SHTN1: variants seen among roughly 807,000 people sequenced by gnomAD.
SHTN1 encodes the protein shootin-1.
Under a neutral mutation model 83.1 loss-of-function variants are expected in SHTN1, and 42 were observed. That is an observed-to-expected ratio of 0.51 (90% CI 0.39 to 0.65). The LOEUF (loss-of-function observed/expected upper bound fraction) is 0.65. Ranked by LOEUF, SHTN1 falls within the 30% of genes least tolerant of loss-of-function variation. SHTN1 has a pLI of 0.00. For synonymous variants in SHTN1, 224 were observed against 247.7 expected, an observed-to-expected ratio of 0.90 and a Z score of 0.90; for missense variants, 622 against 737.8, an observed-to-expected ratio of 0.84 and a Z score of 1.82.
intron 2 of SHTN1, among the ~76,000 whole-genome samples, chr10:117,023,102 T>G (rs1331964174): frequency 1.3e-5 from 2 of 152,238 alleles, no homozygotes; most frequent in Admixed American, 6.5e-5. Flanking sequence ...ATATATAATT[T>G]CACACATATG....
intron 14 of SHTN1, among the ~76,000 whole-genome samples, chr10:116,907,276 A>C (rs2133338042): frequency 6.6e-6 from 1 of 152,320 alleles, no homozygotes; most frequent in East Asian, 1.9e-4. Flanking sequence ...GGGCCGACCC[A>C]AAGAAGGGCT....
At chr10:117,055,177 T>C (rs964592840) in intron 1 of SHTN1, among the ~76,000 whole-genome samples, 1 of 152,110 alleles carries the variant, frequency 6.6e-6, no homozygotes, top group African/African-American at 2.4e-5. Flanking sequence ...GAGAACAGCA[T>C]GAAGGAAACC....
At chr10:117,035,947 C>CAAAAAAA (rs35033048) in intron 2 of SHTN1, among the ~76,000 whole-genome samples, 1 of 72,192 alleles carries the variant, frequency 1.4e-5, no homozygotes, top group Non-Finnish European at 2.4e-5. Context: ...AACTCCATCT[C>CAAAAAAA]AAAAAAAAAA....
At chr10:117,019,496 A>T (rs570374962) in intron 2 of SHTN1, among the ~76,000 whole-genome samples, 12 of 151,594 alleles carry the variant, frequency 7.9e-5, no homozygotes, top group East Asian at 3.9e-4. Context: ...AAAAACATTT[A>T]AAAAAAAATA....
intron 2 of SHTN1, among the ~76,000 whole-genome samples, chr10:117,033,005 A>C (rs904728537): frequency 1.3e-5 from 2 of 152,228 alleles, no homozygotes; most frequent in East Asian, 3.8e-4. Flanking sequence ...CAATGGAAAC[A>C]GAACATACAA....
At chr10:117,099,388 A>C (rs1564959048) in intron 1 of SHTN1, among the ~76,000 whole-genome samples, 1 of 152,136 alleles carries the variant, frequency 6.6e-6, no homozygotes, top group Admixed American at 6.5e-5. Context: ...TGGAATAAAA[A>C]AATTTTAAGT....
At chr10:117,081,385 C>A (rs1387443363) in intron 1 of SHTN1, among the ~76,000 whole-genome samples, 1 of 133,492 alleles carries the variant, frequency 7.5e-6, no homozygotes, top group Non-Finnish European at 1.6e-5. Flanking sequence ...GGGATGAAGC[C>A]CACTTGATCA....
intron 8 of SHTN1, among the ~76,000 whole-genome samples, chr10:116,944,148 T>C (rs1381991653): frequency 5.3e-5 from 8 of 152,194 alleles, no homozygotes; most frequent in African/African-American, 1.7e-4. Context: ...ACCATAATAC[T>C]GTTATCTGAG....
At chr10:116,955,905 A>C (rs553189373) in intron 4 of SHTN1, among the ~76,000 whole-genome samples, 1 of 152,300 alleles carries the variant, frequency 6.6e-6, no homozygotes, top group East Asian at 1.9e-4. Context: ...ATAAAAGATG[A>C]GGCCCATCAT....
chr10:117,077,844 G>A (rs986279075), intron 1 of SHTN1, among the ~76,000 whole-genome samples: 44 of 152,212 alleles, frequency 2.9e-4, no homozygotes, highest in African/African-American at 1.0e-3. Context: ...ATTTAGATGG[G>A]CAAGCCTCCA....
chr10:116,931,996 G>A (rs1848985556), intron 9 of SHTN1, among the ~76,000 whole-genome samples: 1 of 152,216 alleles, frequency 6.6e-6, no homozygotes, highest in South Asian at 2.1e-4. Flanking sequence ...CCCAATTTAG[G>A]ATGGTTTGAG....
At chr10:117,102,667 TCTTAA>T (rs1324271191) in intron 1 of SHTN1, among the ~76,000 whole-genome samples, 7 of 151,934 alleles carry the variant, frequency 4.6e-5, no homozygotes, top group African/African-American at 1.7e-4. Context: ...TCAGTTCCTT[TCTTAA>T]GAGTCCAAGC....
At chr10:117,051,557 T>C (rs946635195) in intron 1 of SHTN1, among the ~76,000 whole-genome samples, 18 of 152,018 alleles carry the variant, frequency 1.2e-4, no homozygotes, top group African/African-American at 4.3e-4. Flanking sequence ...TTAGAATAAT[T>C]ATACATGATG....
chr10:116,944,873 G>T, intron 8 of SHTN1, 51 bp downstream of exon 8: 1 of 1,186,154 alleles, frequency 8.4e-7, no homozygotes, highest in South Asian at 1.2e-5. Context: ...CCTGGTGACA[G>T]AGCGAGACTC....
chr10:116,916,599 C>T (rs1202754543), intron 12 of SHTN1, among the ~76,000 whole-genome samples: 1 of 152,228 alleles, frequency 6.6e-6, no homozygotes, highest in Non-Finnish European at 1.5e-5. Flanking sequence ...GCAATCACTA[C>T]TGCATCCCCG....
chr10:116,921,613 T>A, intron 11 of SHTN1, 97 bp from the exon 12 acceptor site: 1 of 769,150 alleles, frequency 1.3e-6, no homozygotes, highest in South Asian at 1.8e-5. Context: ...CATGAATATA[T>A]AACTAGAATC....
chr10:117,031,183 C>T (rs1852408837), intron 2 of SHTN1, among the ~76,000 whole-genome samples: 1 of 152,100 alleles, frequency 6.6e-6, no homozygotes, highest in Non-Finnish European at 1.5e-5. Context: ...GGAAACCTTA[C>T]AGGTCAGGAG....
chr10:116,995,975 T>C (rs528437895), intron 1 of SHTN1, among the ~76,000 whole-genome samples: 1 of 152,272 alleles, frequency 6.6e-6, no homozygotes, highest in East Asian at 1.9e-4. Context: ...AAGGAGGCAT[T>C]TTTGTAAGCC....
At chr10:117,037,863 G>A (rs1056137139) in intron 2 of SHTN1, among the ~76,000 whole-genome samples, 6 of 151,240 alleles carry the variant, frequency 4.0e-5, no homozygotes, top group East Asian at 2.0e-4. Flanking sequence ...AAAATTAGCT[G>A]GGTGTGGTGG....
Sources: gnomAD v4.1 joint callset for allele counts (sites outside exome capture counted in the v4.1 genomes callset) on GRCh38, gnomAD v4.1.1 for gene constraint, MANE v1.5 for transcripts, NCBI Gene and HGNC (gene_info 2026-07-23, HGNC 2026-07-21) for gene names.